The following TEX11 variants were observed in gnomAD, a reference collection of about 807,000 sequenced individuals.
TEX11 encodes testis-expressed protein 11.
TEX11 carries 7 observed loss-of-function variants against 84.4 expected under a neutral mutation model. The ratio of observed to expected loss-of-function variants is 0.08; its 90% CI spans 0.05 to 0.16. The LOEUF is 0.16. TEX11 is among the 10% of genes least tolerant of loss of function. TEX11 has a pLI of 1.00. For missense variants in TEX11, 551 were observed against 660.5 expected, an observed-to-expected ratio of 0.83 and a Z score of 1.82; for synonymous variants, 264 against 222.8, an observed-to-expected ratio of 1.18 and a Z score of -1.64.
intron 2 of TEX11, among the ~76,000 whole-genome samples, chrX:70,904,836 ATTATG>A (rs969542331): frequency 4.4e-5 from 5 of 112,851 alleles, no homozygotes; most frequent in African/African-American, 1.6e-4. Context: ...TTGTATATTG[ATTATG>A]TTATAATAAC....
intron 13 of TEX11, among the ~76,000 whole-genome samples, chrX:70,704,829 TA>T (rs1025323884): frequency 1.2e-4 from 13 of 108,394 alleles, no homozygotes; most frequent in African/African-American, 3.0e-4. Flanking sequence ...AGGAAATGTT[TA>T]AAAAAAAAAG....
At chrX:70,710,275 G>T (rs1326515139) in intron 13 of TEX11, among the ~76,000 whole-genome samples, 1 of 111,698 alleles carries the variant, frequency 9.0e-6, no homozygotes, top group Admixed American at 9.5e-5. Flanking sequence ...AATATTAGAT[G>T]TGATCTTTTT....
At chrX:70,624,756 T>C in intron 19 of TEX11, 83 bp downstream of exon 19, 2 of 751,623 alleles carry the variant, frequency 2.7e-6, no homozygotes, top group East Asian at 3.3e-5. Flanking sequence ...TTGATCTCAA[T>C]AGCACTATTT....
At chrX:70,564,878 T>C (rs1377105515) in intron 25 of TEX11, among the ~76,000 whole-genome samples, 1 of 110,474 alleles carries the variant, frequency 9.1e-6, no homozygotes, top group East Asian at 2.8e-4. Context: ...TGTGCATGTG[T>C]CTTTATAGCA....
At chrX:70,864,002 AC>A (rs1206410101) in intron 4 of TEX11, among the ~76,000 whole-genome samples, 1 of 111,992 alleles carries the variant, frequency 8.9e-6, no homozygotes, top group East Asian at 2.8e-4. Flanking sequence ...AGACCAACTT[AC>A]TGAAATAAGG....
At chrX:70,721,013 C>T (rs76290798) in intron 13 of TEX11, among the ~76,000 whole-genome samples, 8,544 of 110,209 alleles carry the variant, frequency 0.078, 421 homozygotes, top group Admixed American at 0.24. Flanking sequence ...CTGCTCCTTC[C>T]TAGCTATGCA....
chrX:70,759,964 C>T (rs989079367), intron 9 of TEX11, among the ~76,000 whole-genome samples: 16 of 111,491 alleles, frequency 1.4e-4, no homozygotes, highest in Non-Finnish European at 2.8e-4. Context: ...TTCTTATACA[C>T]CAAGTACAGA....
intron 9 of TEX11, among the ~76,000 whole-genome samples, chrX:70,775,606 C>T (rs951662534): frequency 5.1e-4 from 55 of 108,462 alleles, no homozygotes; most frequent in African/African-American, 1.7e-3. Context: ...TTGAGACCAG[C>T]CTGCCCAGCA....
At position 70,805,521 on chromosome X, in the gene TEX11, C is replaced by T. The variant is rs751992561; in HGVS notation, c.692+1184G>A. Among the ~76,000 whole-genome samples the T allele has an allele frequency of 6.3e-5, 7 of 110,691 alleles. No individual in the cohort carries two copies. The South Asian group carries it at 2.7e-3, about 43-fold the overall frequency. On this transcript the variant is annotated intron_variant, in intron 9 of 29. Transcript: ENST00000374333. ...GTTCAAGCGATTCTCCTGCCTCAGCCTCCCGAGTAGCTGGGATTACAGGCC... is the reference window on the plus strand; with the variant it reads ...GTTCAAGCGATTCTCCTGCCTCAGCTTCCCGAGTAGCTGGGATTACAGGCC...
At chrX:70,731,754 A>C (rs892195002) in intron 11 of TEX11, among the ~76,000 whole-genome samples, 3 of 54,601 alleles carry the variant, frequency 5.5e-5, no homozygotes, top group Non-Finnish European at 8.6e-5. Context: ...ATTCCTTCTG[A>C]AACTATTCCA....
rs1210142440 is a variant in TEX11 at position 70,792,351 on chromosome X, T to C, written c.692+14354A>G. Among the ~76,000 whole-genome samples the C allele has an allele frequency of 8.8e-4, 10 of 11,408 alleles. 1 individual carries two copies. The Admixed American group carries it at 0.016, about 18-fold the overall frequency. 9.9% of individuals were successfully genotyped at this position (11,408 alleles called of 115,157 possible). A position where few individuals can be genotyped will look rare whatever the true frequency, so the allele number is the denominator to read the frequency against. ...ATATATATATATATATATATATATA[T>C]ATATATACACACACAAATATATATC... On this transcript the variant is annotated intron_variant, in intron 9 of 29. Transcript: ENST00000374333.
At chrX:70,546,197 G>A (rs778169847) in intron 28 of TEX11, among the ~76,000 whole-genome samples, 60 of 111,718 alleles carry the variant, frequency 5.4e-4, no homozygotes, top group Non-Finnish European at 1.1e-3. Flanking sequence ...ATATGCAACA[G>A]CAAACAAACA....
At chrX:70,715,455 T>C (rs1056635234) in intron 13 of TEX11, among the ~76,000 whole-genome samples, 14 of 111,968 alleles carry the variant, frequency 1.3e-4, no homozygotes, top group African/African-American at 4.5e-4. Context: ...GGTCTTTTCA[T>C]ATAGTCCCAT....
intron 8 of TEX11, among the ~76,000 whole-genome samples, chrX:70,809,145 G>A (rs996717013): frequency 8.9e-6 from 1 of 111,949 alleles, no homozygotes; most frequent in African/African-American, 3.2e-5. Flanking sequence ...CAGAAACTAT[G>A]ACAGTTATTT....
intron 16 of TEX11, among the ~76,000 whole-genome samples, chrX:70,660,232 T>C (rs1408046324): frequency 8.9e-6 from 1 of 111,864 alleles, no homozygotes; most frequent in Non-Finnish European, 1.9e-5. Context: ...GATATTACTG[T>C]ATACTACTGT....
At chrX:70,835,993 G>A (rs1027097890) in intron 7 of TEX11, among the ~76,000 whole-genome samples, 1 of 108,791 alleles carries the variant, frequency 9.2e-6, no homozygotes, top group African/African-American at 3.3e-5. Flanking sequence ...GTGCGTGCCT[G>A]TAATCTCAGC....
chrX:70,759,744 A>G (rs1049663001), intron 9 of TEX11, among the ~76,000 whole-genome samples: 7 of 111,587 alleles, frequency 6.3e-5, no homozygotes, highest in Admixed American at 1.9e-4. Context: ...ATTCAACATA[A>G]TGTTGGAAGT....
intron 28 of TEX11, among the ~76,000 whole-genome samples, chrX:70,539,038 A>ATATAT: frequency 2.4e-5 from 1 of 41,245 alleles, no homozygotes; most frequent in South Asian, 2.6e-3. Context: ...ATATATATAT[A>ATATAT]TTTTTTTTTT....
Position 70,656,327 on chromosome X carries a change from T to A in TEX11, c.1381-4775A>T, listed in dbSNP as rs192829224. Among the ~76,000 whole-genome samples the A allele has an allele frequency of 4.6e-5, 5 of 108,844 alleles. No individual in the cohort carries two copies. The East Asian group carries it at 1.2e-3, about 25-fold the overall frequency. 94.5% of individuals were successfully genotyped at this position (108,844 alleles called of 115,157 possible). On this transcript the variant is annotated intron_variant, in intron 16 of 29. Coordinates refer to ENST00000374333, the MANE Select transcript of TEX11 (RefSeq NM_031276.3). ...CCTGTGGTCCCAGCTACTCAGGAGG[T>A]TAAGGTAGGAGGATTACTTGAGCCC... is the stretch of plus-strand genomic sequence containing the variant.
Sources: gnomAD v4.1 joint callset for allele counts (sites outside exome capture counted in the v4.1 genomes callset) on GRCh38, gnomAD v4.1.1 for gene constraint, MANE v1.5 for transcripts, NCBI Gene and HGNC (gene_info 2026-07-23, HGNC 2026-07-21) for gene names.